Variants in TMEM260 observed in about 807,000 individuals in gnomAD.
The protein encoded by TMEM260 is protein O-mannosyl-transferase TMEM260.
Under a neutral mutation model 88.9 loss-of-function variants are expected in TMEM260, and 82 were observed. That is an observed-to-expected ratio of 0.92 (90% CI 0.77 to 1.11). TMEM260 has a LOEUF of 1.11. Among genes scored for constraint, TMEM260 ranks in the 50% least tolerant of loss-of-function variants. The pLI, the probability that TMEM260 is intolerant of heterozygous loss-of-function variation, is 0.00. For missense variants in TMEM260, 902 were observed against 853.4 expected, an observed-to-expected ratio of 1.06 and a Z score of -0.71; for synonymous variants, 314 against 309.3, an observed-to-expected ratio of 1.02 and a Z score of -0.16.
At chr14:56,645,615 C>T (rs1026070249) in intron 15 of TMEM260, among the ~76,000 whole-genome samples, 5 of 137,438 alleles carry the variant, frequency 3.6e-5, no homozygotes, top group African/African-American at 1.2e-4. Flanking sequence ...GCACGTTGTG[C>T]ACATGTACCC....
intron 3 of TMEM260, among the ~76,000 whole-genome samples, chr14:56,596,381 AGTGTGTGTGT>A (rs376857460): frequency 4.0e-5 from 5 of 126,576 alleles, no homozygotes; most frequent in Non-Finnish European, 4.9e-5. Context: ...TATATGTGAG[AGTGTGTGTGT>A]GTGTGTGTGT....
At chr14:56,649,518 A>T (rs1176241030), downstream of TMEM260, 1 of 152,164 alleles carries the variant, frequency 6.6e-6, no homozygotes, top group Non-Finnish European at 1.5e-5. Flanking sequence ...TTAGGAAAGC[A>T]TTGTCTTTAT....
intron 11 of TMEM260, among the ~76,000 whole-genome samples, chr14:56,623,399 C>A (rs975012298): frequency 6.6e-6 from 1 of 152,072 alleles, no homozygotes; most frequent in African/African-American, 2.4e-5. Flanking sequence ...GGGTATCTCC[C>A]TCTCTCTATT....
intron 5 of TMEM260, among the ~76,000 whole-genome samples, chr14:56,607,711 T>C (rs1887000084): frequency 6.6e-6 from 1 of 152,040 alleles, no homozygotes; most frequent in African/African-American, 2.4e-5. Context: ...CGTGTGTGTG[T>C]GTATATATAT....
the TMEM260 span, among the ~76,000 whole-genome samples, chr14:56,659,300 T>C: frequency 1.3e-5 from 2 of 151,988 alleles, no homozygotes; most frequent in Non-Finnish European, 2.9e-5. Flanking sequence ...AGGCACTCCT[T>C]TTCCCCCTTT....
At chr14:56,645,603 C>G (rs1296738424) in intron 15 of TMEM260, among the ~76,000 whole-genome samples, 3 of 149,500 alleles carry the variant, frequency 2.0e-5, no homozygotes, top group Non-Finnish European at 4.5e-5. Flanking sequence ...TGTAACAAAC[C>G]TGCACGTTGT....
intron 15 of TMEM260, among the ~76,000 whole-genome samples, chr14:56,640,613 C>T (rs897258688): frequency 1.3e-5 from 2 of 152,142 alleles, no homozygotes; most frequent in African/African-American, 2.4e-5. Flanking sequence ...GAGCACAGCT[C>T]CTCACCAGCA....
intron 3 of TMEM260, among the ~76,000 whole-genome samples, chr14:56,598,632 TACAGAATCAATG>T (rs1258028257): frequency 3.3e-5 from 5 of 152,242 alleles, no homozygotes; most frequent in African/African-American, 1.2e-4. Flanking sequence ...ACTATCTTCT[TACAGAATCAATG>T]AATTAACTGA....
chr14:56,600,375 A>G (rs1886501746), intron 3 of TMEM260, among the ~76,000 whole-genome samples: 1 of 150,220 alleles, frequency 6.7e-6, no homozygotes, highest in South Asian at 2.1e-4. Flanking sequence ...GAGGGAAGAC[A>G]GTGTGTTTCA....
downstream of TMEM260, among the ~76,000 whole-genome samples, chr14:56,653,237 A>G (rs1890237297): frequency 6.6e-6 from 1 of 152,156 alleles, no homozygotes; most frequent in Non-Finnish European, 1.5e-5. Flanking sequence ...ACCACAATGC[A>G]TTCGAGGTAA....
intron 3 of TMEM260, among the ~76,000 whole-genome samples, chr14:56,601,428 AT>A (rs1208966825): frequency 1.3e-5 from 2 of 152,060 alleles, no homozygotes; most frequent in Non-Finnish European, 2.9e-5. Flanking sequence ...TGTTTGTCCT[AT>A]TACTAATGCT....
At chr14:56,643,745 G>A (rs2139654150) in intron 15 of TMEM260, among the ~76,000 whole-genome samples, 1 of 152,320 alleles carries the variant, frequency 6.6e-6, no homozygotes, top group South Asian at 2.1e-4. Context: ...TGACATGATT[G>A]TATATTCAGA....
At position 56,625,632 on chromosome 14, in the gene TMEM260, C is replaced by CTATT. The variant is rs1888204480; in HGVS notation, c.1547+104_1547+107dup. ...CATCCAAAAGACCAATTTTCTCTGC[C>CTATT]TATTTCCCTGTCACTGGTGAGATTA... is the stretch of plus-strand genomic sequence containing the variant. On this transcript the variant is annotated intron_variant, in intron 12 of 15. Transcript: ENST00000261556. The CTATT allele has an allele frequency of 1.2e-5, 10 of 830,912 alleles. No individual in the cohort carries two copies. The South Asian group carries it at 1.9e-4, about 16-fold the overall frequency. 51.5% of individuals were successfully genotyped at this position (830,912 alleles called of 1,614,324 possible).
upstream of TMEM260, chr14:56,579,536 G>A (rs934874164): frequency 4.8e-5 from 9 of 187,260 alleles, no homozygotes; most frequent in Non-Finnish European, 8.7e-5. Context: ...GGTTTTCGAC[G>A]CTGCTTTGGT....
chr14:56,624,499 G>A (rs977263610), intron 11 of TMEM260, among the ~76,000 whole-genome samples: 2 of 152,192 alleles, frequency 1.3e-5, no homozygotes, highest in South Asian at 2.1e-4. Context: ...AACCCAGATG[G>A]CGGAGCTTGC....
At chr14:56,621,962 A>T (rs1159956783) in intron 11 of TMEM260, among the ~76,000 whole-genome samples, 5 of 152,136 alleles carry the variant, frequency 3.3e-5, no homozygotes, top group Non-Finnish European at 1.5e-5. Context: ...AATGTGTTTC[A>T]TGTTAGATTC....
intron 3 of TMEM260, among the ~76,000 whole-genome samples, chr14:56,591,874 TTAAA>T (rs1365670457): frequency 2.0e-5 from 3 of 152,206 alleles, no homozygotes; most frequent in East Asian, 1.9e-4. Context: ...GTTTTAAACT[TTAAA>T]TAGCTTTATC....
intron 3 of TMEM260, among the ~76,000 whole-genome samples, chr14:56,590,722 T>A (rs928411568): frequency 2.0e-5 from 3 of 152,222 alleles, no homozygotes; most frequent in African/African-American, 7.2e-5. Flanking sequence ...TTAATAGCAG[T>A]GCTTATGAGT....
chr14:56,619,546 ATC>A (rs1245691643), intron 10 of TMEM260: 1 of 152,168 alleles, frequency 6.6e-6, no homozygotes, highest in Non-Finnish European at 1.5e-5. Context: ...TTTTCAAAAA[ATC>A]TGTTTAATAA....
Sources: gnomAD v4.1 joint callset for allele counts (sites outside exome capture counted in the v4.1 genomes callset) on GRCh38, gnomAD v4.1.1 for gene constraint, MANE v1.5 for transcripts, NCBI Gene and HGNC (gene_info 2026-07-23, HGNC 2026-07-21) for gene names.